The following ZNF385D variants were observed in gnomAD, a reference collection of about 807,000 sequenced individuals.
ZNF385D encodes the protein zinc finger protein 385D, also known as zinc finger protein 659.
A neutral mutation model predicts 35.8 loss-of-function variants in ZNF385D; 15 were observed. The ratio of observed to expected loss-of-function variants is 0.42; its 90% CI spans 0.28 to 0.64. The LOEUF is 0.64. Among genes scored for constraint, ZNF385D ranks in the 30% least tolerant of loss-of-function variants. The probability of loss-of-function intolerance (pLI) is 0.23; values close to 1 mark genes in which losing one functional copy is unlikely to be tolerated. For synonymous variants in ZNF385D, 212 were observed against 186.8 expected (o/e 1.13, Z -1.10); for missense variants, 474 against 494.6 (o/e 0.96, Z 0.39).
intron 2 of ZNF385D, among the ~76,000 whole-genome samples, chr3:22,266,768 T>C (rs930105973): frequency 3.9e-5 from 6 of 151,980 alleles, no homozygotes; most frequent in African/African-American, 1.4e-4. Context: ...TTTATCATTA[T>C]TTGATAAGTC....
chr3:22,049,437 G>A (rs974420313), intron 3 of ZNF385D, among the ~76,000 whole-genome samples: 3 of 151,594 alleles, frequency 2.0e-5, no homozygotes, highest in African/African-American at 4.8e-5. Flanking sequence ...GATTCTTTGT[G>A]TGCAAATAAA....
intron 2 of ZNF385D, among the ~76,000 whole-genome samples, chr3:22,237,674 C>T (rs1024393894): frequency 2.0e-5 from 3 of 152,178 alleles, no homozygotes; most frequent in African/African-American, 7.2e-5. Context: ...GATGGGGTCT[C>T]GCTCTGTCAC....
intron 3 of ZNF385D, among the ~76,000 whole-genome samples, chr3:22,047,734 C>T (rs1699091183): frequency 6.6e-6 from 1 of 152,074 alleles, no homozygotes; most frequent in South Asian, 2.1e-4. Flanking sequence ...ATTTGACATA[C>T]TGATTTTATA....
chr3:21,625,344 A>G (rs1238731218), intron 2 of ZNF385D, among the ~76,000 whole-genome samples: 1 of 152,082 alleles, frequency 6.6e-6, no homozygotes, highest in Non-Finnish European at 1.5e-5. Context: ...GAAGGATGAC[A>G]TGAGACTTTT....
At chr3:22,323,123 G>C (rs185141969) in intron 2 of ZNF385D, among the ~76,000 whole-genome samples, 4 of 152,200 alleles carry the variant, frequency 2.6e-5, no homozygotes, top group Admixed American at 2.6e-4. Flanking sequence ...GGGGAAGGAA[G>C]GACTTGGTCT....
At chr3:21,752,014 T>TC (rs1321937942), upstream of ZNF385D, among the ~76,000 whole-genome samples, 30,538 of 72,090 alleles carry the variant, frequency 0.42, 4,653 homozygotes, top group Middle Eastern at 0.58. Flanking sequence ...CCCACCCCCC[T>TC]CCCCCCCCCA....
chr3:21,446,734 C>A (rs1271826809), intron 4 of ZNF385D, among the ~76,000 whole-genome samples: 2 of 151,900 alleles, frequency 1.3e-5, no homozygotes, highest in African/African-American at 4.8e-5. Flanking sequence ...CTCAGGTGAT[C>A]CGCCCTCCTC....
chr3:22,012,325 G>A (rs980289645), intron 3 of ZNF385D, among the ~76,000 whole-genome samples: 1 of 152,064 alleles, frequency 6.6e-6, no homozygotes, highest in Non-Finnish European at 1.5e-5. Flanking sequence ...TAACAACTAA[G>A]ATAAAATGTT....
chr3:22,179,228 T>A (rs935070452), intron 2 of ZNF385D, among the ~76,000 whole-genome samples: 9 of 152,210 alleles, frequency 5.9e-5, no homozygotes, highest in Non-Finnish European at 7.3e-5. Flanking sequence ...CATGGAATGG[T>A]CTTCCATTTG....
intron 3 of ZNF385D, among the ~76,000 whole-genome samples, chr3:22,144,876 G>A (rs1280715807): frequency 1.3e-5 from 2 of 152,068 alleles, no homozygotes; most frequent in East Asian, 1.9e-4. Context: ...CACAACTTTG[G>A]TTCATGAAAT....
intron 1 of ZNF385D, among the ~76,000 whole-genome samples, chr3:21,697,983 C>T (rs1168307563): frequency 6.6e-6 from 1 of 152,002 alleles, no homozygotes; most frequent in Non-Finnish European, 1.5e-5. Flanking sequence ...AAATGGAAAA[C>T]ATACACTGTT....
intron 2 of ZNF385D, among the ~76,000 whole-genome samples, chr3:22,187,662 C>T (rs982887195): frequency 3.3e-5 from 5 of 152,144 alleles, no homozygotes; most frequent in Admixed American, 3.3e-4. Context: ...AACTTGAAAA[C>T]TTTATAATAG....
chr3:22,123,845 A>G (rs1183117533), intron 3 of ZNF385D, among the ~76,000 whole-genome samples: 1 of 151,472 alleles, frequency 6.6e-6, no homozygotes, highest in African/African-American at 2.4e-5. Context: ...CTGGGCAACA[A>G]GAGCAAAATT....
chr3:22,362,731 T>A (rs1696471890), intron 2 of ZNF385D, among the ~76,000 whole-genome samples: 2 of 152,100 alleles, frequency 1.3e-5, no homozygotes, highest in African/African-American at 2.4e-5. Context: ...ACTCAATGAA[T>A]TTTTACAAGG....
chr3:21,733,064 G>A (rs370350797), intron 1 of ZNF385D, among the ~76,000 whole-genome samples: 2 of 151,926 alleles, frequency 1.3e-5, no homozygotes, highest in Admixed American at 6.5e-5. Context: ...ATTACTTTTT[G>A]TGAAGAGTAT....
chr3:21,803,956 T>A (rs952729253), intron 3 of ZNF385D, among the ~76,000 whole-genome samples: 1 of 152,184 alleles, frequency 6.6e-6, no homozygotes, highest in Non-Finnish European at 1.5e-5. Context: ...CAAACTTTAA[T>A]AGGAACATTG....
chr3:21,432,411 T>A (rs1210886807), intron 5 of ZNF385D, among the ~76,000 whole-genome samples: 5 of 152,280 alleles, frequency 3.3e-5, no homozygotes, highest in Admixed American at 2.6e-4. Context: ...AAACTCTGTC[T>A]AGACATATAA....
chr3:21,649,836 T>C (rs1319989971), intron 2 of ZNF385D, among the ~76,000 whole-genome samples: 2 of 152,190 alleles, frequency 1.3e-5, no homozygotes, highest in East Asian at 3.9e-4. Context: ...ACTACTTAAA[T>C]TATTTAAAGT....
intron 3 of ZNF385D, chr3:22,168,793 G>C: frequency 1.0e-6 from 1 of 983,468 alleles, no homozygotes; most frequent in Non-Finnish European, 1.2e-6. Context: ...GTAAAATTGA[G>C]AAAATATTTT....
Sources: allele counts gnomAD v4.1 joint callset (sites outside exome capture counted in the v4.1 genomes callset), GRCh38; gene constraint gnomAD v4.1.1; transcripts MANE v1.5; gene names NCBI Gene and HGNC (gene_info 2026-07-23, HGNC 2026-07-21).